Variants in RASA3 observed in about 807,000 individuals in gnomAD.
RASA3 encodes RAS p21 protein activator 3.
In RASA3, 73 loss-of-function variants were observed where a neutral mutation model predicts 110.0. The ratio of observed to expected loss-of-function variants is 0.66; its 90% CI spans 0.55 to 0.81. The LOEUF is 0.81. Among genes scored for constraint, RASA3 ranks in the 30% least tolerant of loss-of-function variants. The pLI is 0.00. For synonymous variants in RASA3, 500 were observed against 451.4 expected (o/e 1.11, Z -1.37); for missense variants, 976 against 1,113.2 (o/e 0.88, Z 1.75).
intron 1 of RASA3, among the ~76,000 whole-genome samples, chr13:114,126,878 G>T (rs1259057237): frequency 2.0e-5 from 3 of 152,154 alleles, no homozygotes; most frequent in African/African-American, 7.2e-5. Context: ...GTCAAGAAAC[G>T]TGGCCAGCAC....
At chr13:114,059,279 C>T (rs1475525363) in intron 2 of RASA3, among the ~76,000 whole-genome samples, 2 of 152,240 alleles carry the variant, frequency 1.3e-5, no homozygotes, top group Non-Finnish European at 2.9e-5. Context: ...TCCCCAGGTG[C>T]AGCTGCTCCC....
In RASA3 at chr13:114,107,235, T is replaced by C. The variant is rs553155453; in HGVS notation, c.55+25200A>G. 2.7e-4 allele frequency among the ~76,000 whole-genome samples: 41 copies of C among 152,172 alleles called. 3 individuals carry two copies. In the South Asian group the frequency reaches 8.5e-3, roughly 32 times the overall value. On this transcript the variant is annotated intron_variant, in intron 1 of 23. Transcript: ENST00000334062. ...TCCTCGCAGGGGACAGGCCTGTGTG[T>C]CCCACGTTCGTGTCCTGGTCTTCGC...
In RASA3 at chr13:114,122,922, G is replaced by A. The variant is rs142293749; in HGVS notation, c.55+9513C>T. Among the ~76,000 whole-genome samples the A allele has an allele frequency of 7.3e-3, 1,109 of 152,328 alleles. 7 individuals are homozygous for A. Among genetic ancestry groups the A allele is most frequent in the Middle Eastern group, 0.058 (17 of 294 alleles). ...CTGCATGAGAAAGGGCTCTAGGAAG[G>A]AAAAGGCCGCGGCAGCACCCAGCCT... On this transcript the variant is annotated intron_variant, in intron 1 of 23. Coordinates refer to ENST00000334062, the MANE Select transcript of RASA3 (RefSeq NM_007368.4).
intron 4 of RASA3, 110 bp downstream of exon 4, chr13:114,040,890 T>A: frequency 9.8e-7 from 1 of 1,015,452 alleles, no homozygotes; most frequent in Non-Finnish European, 1.5e-6. Flanking sequence ...TTATTCCCAG[T>A]CAAGGCCGAA....
chr13:113,982,137 C>T (rs1461504972), intron 22 of RASA3, among the ~76,000 whole-genome samples: 1 of 152,238 alleles, frequency 6.6e-6, no homozygotes, highest in East Asian at 1.9e-4. Context: ...TAGCTCCCAG[C>T]CTTGTCACCA....
intron 1 of RASA3, among the ~76,000 whole-genome samples, chr13:114,079,245 C>T (rs1419917366): frequency 2.0e-5 from 3 of 152,228 alleles, no homozygotes; most frequent in Non-Finnish European, 4.4e-5. Flanking sequence ...TTTCCCACGT[C>T]ATCACGGCGT....
At chr13:114,027,998 G>A in intron 5 of RASA3, 71 bp from the exon 6 acceptor site, 1 of 1,358,454 alleles carries the variant, frequency 7.4e-7, no homozygotes, top group South Asian at 1.2e-5. Flanking sequence ...ACAGCTCTGG[G>A]TCAGGCAGGA....
intron 21 of RASA3, among the ~76,000 whole-genome samples, chr13:113,994,262 T>G (rs1235792169): frequency 1.3e-5 from 2 of 152,204 alleles, no homozygotes; most frequent in Admixed American, 1.3e-4. Context: ...GCTGAGTAGC[T>G]CAGTATTTGG....
At chr13:114,092,383 A>G (rs952729064) in intron 1 of RASA3, among the ~76,000 whole-genome samples, 1 of 152,146 alleles carries the variant, frequency 6.6e-6, no homozygotes, top group Non-Finnish European at 1.5e-5. Flanking sequence ...ATTTGTTTCA[A>G]GAAATTTTAA....
intron 1 of RASA3, among the ~76,000 whole-genome samples, chr13:114,131,139 C>G: frequency 6.6e-6 from 1 of 152,226 alleles, no homozygotes; most frequent in East Asian, 1.9e-4. Flanking sequence ...AGTGTCTCAG[C>G]GATGATCCGC....
At chr13:114,103,900 C>CG (rs1402638886) in intron 1 of RASA3, among the ~76,000 whole-genome samples, 8 of 107,234 alleles carry the variant, frequency 7.5e-5, no homozygotes, top group South Asian at 3.2e-4. Context: ...TCCACACTGC[C>CG]CCGGCCACGG....
chr13:114,118,058 T>C (rs1404869392), intron 1 of RASA3, among the ~76,000 whole-genome samples: 1 of 152,066 alleles, frequency 6.6e-6, no homozygotes, highest in Non-Finnish European at 1.5e-5. Context: ...AGAAGTGCCT[T>C]AATCTTCCCG....
intron 1 of RASA3, among the ~76,000 whole-genome samples, chr13:114,129,760 T>C (rs1343840136): frequency 6.6e-6 from 1 of 152,212 alleles, no homozygotes; most frequent in East Asian, 1.9e-4. Flanking sequence ...ATTGCCTGGC[T>C]TTTGCAAACG....
At chr13:114,042,509 C>T (rs1315295840) in intron 3 of RASA3, among the ~76,000 whole-genome samples, 1 of 152,226 alleles carries the variant, frequency 6.6e-6, no homozygotes, top group Non-Finnish European at 1.5e-5. Context: ...GATCTTGGTC[C>T]AGTCACTGAA....
In RASA3 at chr13:113,978,258, A is replaced by T. The variant is rs1000469156; in HGVS notation, c.*1089T>A. On this transcript the variant is annotated 3_prime_UTR_variant, in exon 24 of 24. Transcript: ENST00000334062. ...GGTTCATAACACAGGTGCAATACTG[A>T]CCATGGGCCCTGGAGGGACGTCTGC... 2 of 152,172 alleles carry T rather than the reference A, an allele frequency of 1.3e-5. No homozygotes were observed. The highest frequency in any genetic ancestry group is 4.1e-4 in the South Asian group (2 of 4,828). 9.4% of individuals were successfully genotyped at this position (152,172 alleles called of 1,614,324 possible).
At chr13:114,012,141 T>C (rs142742347) in intron 15 of RASA3, among the ~76,000 whole-genome samples, 2 of 152,042 alleles carry the variant, frequency 1.3e-5, no homozygotes, top group East Asian at 3.9e-4. Flanking sequence ...CAATACTCCA[T>C]ATGTGATGGG....
At chr13:114,039,878 T>A (rs1252524849) in intron 4 of RASA3, among the ~76,000 whole-genome samples, 1 of 152,104 alleles carries the variant, frequency 6.6e-6, no homozygotes, top group Non-Finnish European at 1.5e-5. Flanking sequence ...CAGCACACAG[T>A]CCCGGCAAGC....
In RASA3 at chr13:114,026,115, G is replaced by A. The variant is rs181007328; in HGVS notation, c.603+1274C>T. 1.7e-4 allele frequency among the ~76,000 whole-genome samples: 26 copies of A among 152,352 alleles called. No individual in the cohort carries two copies. In the East Asian group the frequency reaches 5.0e-3, roughly 29 times the overall value. On this transcript the variant is annotated intron_variant, in intron 7 of 23. Coordinates refer to ENST00000334062, the MANE Select transcript of RASA3 (RefSeq NM_007368.4). ...ATTGCTCCTGTAGGCTGAGACCCAC[G>A]TCTTTACAGAGTGAAACAGGAGTGC...
At chr13:114,012,112 C>T (rs1354058599) in intron 15 of RASA3, among the ~76,000 whole-genome samples, 3 of 151,990 alleles carry the variant, frequency 2.0e-5, no homozygotes, top group South Asian at 4.1e-4. Flanking sequence ...ACTCAATACA[C>T]GGATGATACG....
Sources: gnomAD v4.1 joint callset for allele counts (sites outside exome capture counted in the v4.1 genomes callset) on GRCh38, gnomAD v4.1.1 for gene constraint, MANE v1.5 for transcripts, NCBI Gene and HGNC (gene_info 2026-07-23, HGNC 2026-07-21) for gene names.